The following CAPN2 variants were observed in gnomAD, a reference collection of about 807,000 sequenced individuals.
CAPN2 encodes the protein calpain-2 catalytic subunit.
A neutral mutation model predicts 102.3 loss-of-function variants in CAPN2; 92 were observed. That is an observed-to-expected ratio of 0.90 (90% CI 0.76 to 1.07). The LOEUF is 1.07. Ranked by LOEUF, CAPN2 falls within the 50% of genes least tolerant of loss-of-function variation. The pLI is 0.00. For synonymous variants in CAPN2, 340 were observed against 355.4 expected, an observed-to-expected ratio of 0.96 and a Z score of 0.49; for missense variants, 800 against 909.4, an observed-to-expected ratio of 0.88 and a Z score of 1.55.
intron 2 of CAPN2, among the ~76,000 whole-genome samples, chr1:223,729,087 G>A (rs1355389790): frequency 2.0e-5 from 3 of 152,134 alleles, no homozygotes; most frequent in Non-Finnish European, 4.4e-5. Context: ...ACTCCAAGGC[G>A]GGCCTCAGTT....
chr1:223,737,809 C>CGGGAGAG (rs1553254080), intron 2 of CAPN2, among the ~76,000 whole-genome samples: 4 of 150,124 alleles, frequency 2.7e-5, no homozygotes, highest in East Asian at 1.9e-4. Flanking sequence ...GTGTCAAAAC[C>CGGGAGAG]GGGAGAGGGG....
At position 223,769,924 on chromosome 1, in the gene CAPN2, A is replaced by T. The variant is rs1571822161; in HGVS notation, c.1824+15A>T. 6.4e-7 allele frequency: 1 copy of T among 1,570,894 alleles called. No individual in the cohort carries two copies. Among genetic ancestry groups the T allele is most frequent in the Non-Finnish European group, 8.7e-7 (1 of 1,152,514 alleles). ...AAAAATACCAAGTAAGATCCCAGAGATGCGGGTGGATCTGTGTTGGGAAAC... is the reference window on the plus strand; with the variant it reads ...AAAAATACCAAGTAAGATCCCAGAGTTGCGGGTGGATCTGTGTTGGGAAAC... On this transcript the variant is annotated intron_variant, in intron 17 of 20. Transcript: ENST00000295006.
intron 2 of CAPN2, among the ~76,000 whole-genome samples, chr1:223,737,173 C>T (rs1660475585): frequency 2.0e-5 from 3 of 152,184 alleles, no homozygotes; most frequent in South Asian, 4.1e-4. Flanking sequence ...TCGTGGGGCA[C>T]CCAGGTGGGC....
intron 1 of CAPN2, among the ~76,000 whole-genome samples, chr1:223,715,599 GA>G (rs28370016): frequency 1.3e-3 from 198 of 152,256 alleles, no homozygotes; most frequent in African/African-American, 4.7e-3. Context: ...CTGGAGCGGG[GA>G]TTAAAGCAGT....
rs898210547 is a variant in CAPN2, at chr1:223,756,772, G to A, written c.1306-597G>A. 6.6e-6 allele frequency among the ~76,000 whole-genome samples: 1 copy of A among 152,196 alleles called. No individual in the cohort carries two copies. The highest frequency in any genetic ancestry group is 1.5e-5 in the Non-Finnish European group (1 of 68,034). The stretch of plus-strand genomic sequence containing the variant: ...CTCTGAAACAGGAGCTGAGGACTTC[G>A]GATCTGGGACAGAATCGATCCAAGG... On this transcript the variant is annotated intron_variant, in intron 10 of 20. Transcript: ENST00000295006. The surrounding 1 kb of genome is among the most constrained non-coding windows in gnomAD (Gnocchi z 4.1).
At chr1:223,719,546 AAG>A (rs1182747180) in intron 2 of CAPN2, among the ~76,000 whole-genome samples, 3 of 152,176 alleles carry the variant, frequency 2.0e-5, no homozygotes, top group African/African-American at 7.2e-5. Flanking sequence ...CTCAAAAAAA[AAG>A]AGAGAGAATC....
Position 223,770,432 on chromosome 1 carries a change from A to C in CAPN2, c.1825-15A>C, listed in dbSNP as rs757827411. 3 of 1,601,170 alleles carry C rather than the reference A, an allele frequency of 1.9e-6. No homozygotes were observed. The highest frequency in any genetic ancestry group is 2.6e-6 in the Non-Finnish European group (3 of 1,168,362). ...CTTTGGGTCATAGTTCTTACAGCTA[A>C]CTTATGTGTTCCAGAAAATTTACCG... On this transcript the variant is annotated splice_polypyrimidine_tract_variant and intron_variant, in intron 17 of 20. Transcript: ENST00000295006.
intron 12 of CAPN2, 96 bp from the exon 13 acceptor site, chr1:223,761,485 G>T: frequency 1.0e-6 from 1 of 967,468 alleles, no homozygotes; most frequent in Non-Finnish European, 1.6e-6. Flanking sequence ...CCTACCCCCT[G>T]CTGGATTTAG....
chr1:223,732,983 A>G (rs1260023036), intron 2 of CAPN2, among the ~76,000 whole-genome samples: 1 of 152,204 alleles, frequency 6.6e-6, no homozygotes, highest in African/African-American at 2.4e-5. Context: ...AAAGAAAACA[A>G]TAAGAAAACC....
intron 2 of CAPN2, among the ~76,000 whole-genome samples, chr1:223,729,968 C>G (rs908254539): frequency 3.5e-5 from 5 of 141,768 alleles, no homozygotes; most frequent in Admixed American, 7.4e-5. Flanking sequence ...CACCACTGCA[C>G]TCCAGCCTAG....
chr1:223,732,499 G>T (rs1214355440), intron 2 of CAPN2, among the ~76,000 whole-genome samples: 1 of 152,178 alleles, frequency 6.6e-6, no homozygotes, highest in Non-Finnish European at 1.5e-5. Flanking sequence ...TCATGGCTCT[G>T]GTGGGAGTGT....
intron 1 of CAPN2, among the ~76,000 whole-genome samples, chr1:223,706,539 A>G (rs978954699): frequency 6.6e-6 from 1 of 151,870 alleles, no homozygotes; most frequent in African/African-American, 2.4e-5. Flanking sequence ...GCCCTCCTAC[A>G]CTGGGTATGG....
intron 2 of CAPN2, among the ~76,000 whole-genome samples, chr1:223,739,757 A>G (rs1660567095): frequency 6.6e-6 from 1 of 152,240 alleles, no homozygotes; most frequent in Admixed American, 6.5e-5. Context: ...TTCTTTTTCT[A>G]GTCCCATCCA....
chr1:223,737,921 C>G (rs1000002729), intron 2 of CAPN2, among the ~76,000 whole-genome samples: 13 of 151,980 alleles, frequency 8.6e-5, no homozygotes, highest in African/African-American at 3.1e-4. Flanking sequence ...CTCACTGTGC[C>G]CCCAGGGGAG....
intron 5 of CAPN2, among the ~76,000 whole-genome samples, chr1:223,748,188 G>A (rs897120560): frequency 1.3e-5 from 2 of 152,218 alleles, no homozygotes; most frequent in Admixed American, 1.3e-4. Context: ...TAATAGCCTT[G>A]CTGGCAACGC....
intron 16 of CAPN2, among the ~76,000 whole-genome samples, chr1:223,768,710 C>A (rs1661398277): frequency 1.3e-5 from 2 of 150,962 alleles, no homozygotes; most frequent in East Asian, 3.9e-4. Flanking sequence ...GTAGTTTTTT[C>A]CAATTCTGTG....
rs1036633709 is a variant in CAPN2, at chr1:223,717,791, T to C, written c.267T>C (p.Ile89=). The part of the protein sequence containing the change: ...TEICADPQFI[I]GGATRTDICQ... ...TCTGCGCTGACCCCCAGTTTATCAT[T>C]GGAGGAGCCACCCGCACAGACATCT... The change falls in exon 2 of 21, where the codon ATT becomes ATC. Residue 89 remains isoleucine (I), a synonymous_variant. Transcript: ENST00000295006. 6.2e-7 allele frequency: 1 copy of C among 1,614,094 alleles called. No homozygotes were observed. Among genetic ancestry groups the C allele is most frequent in the Non-Finnish European group, 8.5e-7 (1 of 1,179,978 alleles).
At chr1:223,710,296 C>A (rs900401739), upstream of CAPN2, among the ~76,000 whole-genome samples, 1 of 151,926 alleles carries the variant, frequency 6.6e-6, no homozygotes, top group East Asian at 1.9e-4. Flanking sequence ...AAAACAAAAA[C>A]AACAACAACA....
chr1:223,730,444 T>A (rs1173950397), intron 2 of CAPN2, among the ~76,000 whole-genome samples: 1 of 151,922 alleles, frequency 6.6e-6, no homozygotes, highest in Non-Finnish European at 1.5e-5. Context: ...AGCCAAAAGA[T>A]TGGACACCCC....
Sources: gnomAD v4.1 joint callset for allele counts (sites outside exome capture counted in the v4.1 genomes callset) on GRCh38, gnomAD v4.1.1 for gene constraint, Gnocchi (gnomAD v3.1) non-coding constraint, MANE v1.5 for transcripts, NCBI Gene and HGNC (gene_info 2026-07-23, HGNC 2026-07-21) for gene names.